The following NTRK2 variants were observed in gnomAD, a reference collection of about 807,000 sequenced individuals.
NTRK2 encodes neurotrophic receptor tyrosine kinase 2.
NTRK2 carries 13 observed loss-of-function variants against 94.5 expected under a neutral mutation model. The ratio of observed to expected loss-of-function variants is 0.14; its 90% CI spans 0.09 to 0.22. The LOEUF (loss-of-function observed/expected upper bound fraction) is 0.22. Among genes scored for constraint, NTRK2 ranks in the 10% least tolerant of loss-of-function variants. The pLI is 1.00. For synonymous variants in NTRK2, 372 were observed against 407.4 expected, an observed-to-expected ratio of 0.91 and a Z score of 1.05; for missense variants, 639 against 1,071.2, an observed-to-expected ratio of 0.60 and a Z score of 5.63.
chr9:84,810,683 G>A (rs1038266700), intron 12 of NTRK2: 1 of 1,598,408 alleles, frequency 6.3e-7, no homozygotes, highest in Non-Finnish European at 8.5e-7. Context: ...CCCGGGAAGT[G>A]CTGCTTATCT....
chr9:84,911,667 G>A (rs1348438538), intron 14 of NTRK2, among the ~76,000 whole-genome samples: 1 of 152,036 alleles, frequency 6.6e-6, no homozygotes, highest in Non-Finnish European at 1.5e-5. Flanking sequence ...TGTATTACTA[G>A]AAGTTTGTCA....
intron 12 of NTRK2, chr9:84,814,781 A>C (rs1344649925): frequency 4.7e-6 from 5 of 1,063,974 alleles, no homozygotes; most frequent in Non-Finnish European, 3.4e-6. Context: ...AGGGTCTCTC[A>C]GGGTTGGTGC....
At chr9:84,688,240 A>G (rs989646191) in intron 2 of NTRK2, among the ~76,000 whole-genome samples, 7 of 152,214 alleles carry the variant, frequency 4.6e-5, no homozygotes, top group African/African-American at 1.7e-4. Context: ...GATGGACTCC[A>G]AAGGACCTGG....
chr9:84,896,047 TTTG>T (rs2076749050), intron 14 of NTRK2, among the ~76,000 whole-genome samples: 1 of 152,234 alleles, frequency 6.6e-6, no homozygotes. Flanking sequence ...GTCATACATT[TTTG>T]TTGTTGTTCT....
chr9:84,877,066 A>G, intron 14 of NTRK2: 9 of 1,063,868 alleles, frequency 8.5e-6, no homozygotes, highest in Non-Finnish European at 1.0e-5. Flanking sequence ...GCCAAGTAGC[A>G]GGCAGAATAA....
chr9:84,985,458 G>T (rs1002998164), intron 17 of NTRK2, among the ~76,000 whole-genome samples: 2 of 152,152 alleles, frequency 1.3e-5, no homozygotes, highest in African/African-American at 4.8e-5. Context: ...TGAAAGCCAG[G>T]ATTTGAACTT....
At chr9:84,876,569 G>T (rs1194767106) in intron 14 of NTRK2, 10 of 1,056,394 alleles carry the variant, frequency 9.5e-6, no homozygotes, top group Non-Finnish European at 1.1e-5. Flanking sequence ...TGAGCCAGAT[G>T]GACTAACTGG....
At chr9:84,788,629 G>C (rs1256625968) in intron 12 of NTRK2, among the ~76,000 whole-genome samples, 1 of 152,132 alleles carries the variant, frequency 6.6e-6, no homozygotes, top group African/African-American at 2.4e-5. Context: ...TGAGTGTGTG[G>C]GATGAGCTCA....
chr9:84,986,822 C>T (rs11140815), intron 17 of NTRK2, among the ~76,000 whole-genome samples: 2,879 of 152,318 alleles, frequency 0.019, 51 homozygotes, highest in Middle Eastern at 0.044. Context: ...CCCACCATTA[C>T]ATTCACTGTG....
intron 12 of NTRK2, among the ~76,000 whole-genome samples, chr9:84,801,428 G>T (rs1473925704): frequency 6.6e-6 from 1 of 152,202 alleles, no homozygotes; most frequent in Admixed American, 6.5e-5. Context: ...GACTTAGGAT[G>T]GTTCAACTTA....
intron 12 of NTRK2, among the ~76,000 whole-genome samples, 161 bp from the exon 13 acceptor site, chr9:84,860,879 C>T (rs190039591): frequency 6.7e-6 from 1 of 150,004 alleles, no homozygotes; most frequent in East Asian, 1.9e-4. Flanking sequence ...AAGCTTTCAT[C>T]CCAAGTGGTT....
intron 17 of NTRK2, among the ~76,000 whole-genome samples, chr9:85,015,101 T>G (rs2133556557): frequency 6.6e-6 from 1 of 152,314 alleles, no homozygotes; most frequent in South Asian, 2.1e-4. Context: ...ACTTCCCTCT[T>G]TAGTCTCTCT....
Position 84,670,819 on chromosome 9 carries a change from G to C in NTRK2, c.71G>C (p.Gly24Ala). 1 of 1,614,114 alleles carries C rather than the reference G, an allele frequency of 6.2e-7. No individual in the cohort carries two copies. Among genetic ancestry groups the C allele is most frequent in the East Asian group, 2.2e-5 (1 of 44,882 alleles). ...TGGGGCTTCTGCTGGCTGGTTGTGG[G>C]CTTCTGGAGGGCCGCTTTCGCCTGT... ...RLWGFCWLVV[G>A]FWRAAFACPT... The change falls in exon 2 of 19, where the codon GGC becomes GCC. Residue 24 changes from glycine to alanine, a missense_variant. Coordinates refer to ENST00000277120, the MANE Select transcript of NTRK2 (RefSeq NM_006180.6).
chr9:84,936,585 C>T (rs1485073355), intron 15 of NTRK2, among the ~76,000 whole-genome samples: 1 of 152,164 alleles, frequency 6.6e-6, no homozygotes, highest in Non-Finnish European at 1.5e-5. Context: ...CTAGTCTTCA[C>T]ATACATCCTG....
chr9:84,905,837 A>G (rs2077058889), intron 14 of NTRK2, among the ~76,000 whole-genome samples: 2 of 152,184 alleles, frequency 1.3e-5, no homozygotes, highest in African/African-American at 2.4e-5. Flanking sequence ...ACATGGGGAA[A>G]CGATAAATGT....
chr9:84,812,361 G>A, intron 12 of NTRK2: 1 of 1,058,644 alleles, frequency 9.4e-7, no homozygotes. Context: ...CTTAAAGAGG[G>A]GCAGTTTCTC....
chr9:84,851,513 C>T (rs929864913), intron 12 of NTRK2, among the ~76,000 whole-genome samples: 1 of 152,154 alleles, frequency 6.6e-6, no homozygotes, highest in African/African-American at 2.4e-5. Flanking sequence ...ATGGGAACTT[C>T]CTAACAGAAG....
At chr9:84,953,577 A>T (rs1305871552) in intron 16 of NTRK2, among the ~76,000 whole-genome samples, 1 of 152,110 alleles carries the variant, frequency 6.6e-6, no homozygotes, top group Admixed American at 6.5e-5. Context: ...AAAGCCCTGG[A>T]GCATTTTCCC....
chr9:84,712,486 T>C (rs559463076), intron 6 of NTRK2, among the ~76,000 whole-genome samples: 66 of 152,290 alleles, frequency 4.3e-4, no homozygotes, highest in Admixed American at 1.2e-3. Context: ...AATTGATCGA[T>C]TAGGACTGAA....
Sources: allele counts gnomAD v4.1 joint callset (sites outside exome capture counted in the v4.1 genomes callset), GRCh38; gene constraint gnomAD v4.1.1; transcripts MANE v1.5; gene names NCBI Gene and HGNC (gene_info 2026-07-23, HGNC 2026-07-21).